The following HMOX2 variants were observed in gnomAD, a reference collection of about 807,000 sequenced individuals.
HMOX2 encodes heme oxygenase (decycling) 2.
HMOX2 carries 30 observed loss-of-function variants against 33.7 expected under a neutral mutation model. That is an observed-to-expected ratio of 0.89 (90% CI 0.67 to 1.21). The LOEUF (loss-of-function observed/expected upper bound fraction) is 1.21, where lower values mean the gene tolerates loss of function less well. Ranked by LOEUF, HMOX2 falls within the 50% of genes most tolerant of loss-of-function variation. The probability of loss-of-function intolerance (pLI) is 0.00; values close to 1 mark genes in which losing one functional copy is unlikely to be tolerated. For synonymous variants in HMOX2, 155 were observed against 155.0 expected (o/e 1.00, Z 0.00); for missense variants, 403 against 399.1 (o/e 1.01, Z -0.08).
rs1225999422 is a variant in HMOX2, at chr16:4,507,716, G to A, written c.208G>A (p.Ala70Thr). Reference protein sequence around the residue: ...GNIKKELFKLATTALYFTYSA... With the variant: ...GNIKKELFKLTTTALYFTYSA... ...CCTCCTCCTGTCACCTCCACAGCTG[G>A]CCACCACGGCACTTTACTTCACATA... The change falls in exon 4 of 6, where the codon GCC (alanine) becomes ACC (threonine). Residue 70 changes from alanine to threonine, a missense_variant. Physicochemically the swap from Ala to Thr is moderately conservative, Grantham distance 58 (BLOSUM62 0). Transcript: ENST00000570646. 6.2e-7 allele frequency: 1 copy of A among 1,613,114 alleles called. No individual in the cohort carries two copies. The highest frequency in any genetic ancestry group is 1.3e-5 in the African/African-American group (1 of 75,026).
intron 1 of HMOX2, among the ~76,000 whole-genome samples, chr16:4,503,478 T>C (rs887465232): frequency 8.5e-5 from 13 of 152,244 alleles, no homozygotes; most frequent in Non-Finnish European, 1.6e-4. Context: ...AGAGTGTCTC[T>C]GATTTGGAGT....
chr16:4,485,755 G>A (rs1328146919), intron 1 of HMOX2, among the ~76,000 whole-genome samples: 7 of 151,952 alleles, frequency 4.6e-5, no homozygotes, highest in East Asian at 1.9e-4. Flanking sequence ...GAGAAGTCTC[G>A]CTCTTGTCCC....
Position 4,507,991 on chromosome 16 carries a change from C to G in HMOX2, c.483C>G (p.Leu161=), listed in dbSNP as rs760214987. ...AHAYTRYMGD[L]SGGQVLKKVA... is the part of the protein sequence containing the mutation. ...CATACACCCGCTACATGGGGGATCT[C>G]TCGGGGGGCCAGGTGCTGAAGAAGG... The change falls in exon 4 of 6, where the codon CTC becomes CTG. Residue 161 remains leucine (L), a synonymous_variant. Transcript: ENST00000570646. 1.2e-5 allele frequency: 19 copies of G among 1,613,988 alleles called. No homozygotes were observed. In the South Asian group the frequency reaches 1.9e-4, roughly 16 times the overall value.
At chr16:4,484,501 C>T (rs1441680144) in intron 1 of HMOX2, among the ~76,000 whole-genome samples, 1 of 146,848 alleles carries the variant, frequency 6.8e-6, no homozygotes, top group Non-Finnish European at 1.5e-5. Flanking sequence ...TGCACTGTCA[C>T]CCAGGCTGGA....
intron 1 of HMOX2, among the ~76,000 whole-genome samples, chr16:4,484,480 A>AAT (rs2058114907): frequency 6.4e-5 from 6 of 94,314 alleles, no homozygotes; most frequent in Middle Eastern, 5.4e-3. Flanking sequence ...TTTTTTTTTG[A>AAT]GACGGAGTCT....
At chr16:4,483,386 C>G (rs2141523948) in intron 1 of HMOX2, among the ~76,000 whole-genome samples, 1 of 150,290 alleles carries the variant, frequency 6.7e-6, no homozygotes, top group South Asian at 2.1e-4. Flanking sequence ...CAGCCCCCAT[C>G]TAGGAGCCCA....
intron 1 of HMOX2, among the ~76,000 whole-genome samples, chr16:4,487,271 A>C (rs912156574): frequency 5.9e-5 from 9 of 151,894 alleles, no homozygotes; most frequent in Admixed American, 1.3e-4. Context: ...AAAAAAAAAG[A>C]AGTTGGGCAC....
intron 4 of HMOX2, 116 bp from the exon 5 acceptor site, chr16:4,509,296 T>G (rs1442235523): frequency 7.4e-6 from 10 of 1,343,830 alleles, no homozygotes; most frequent in Non-Finnish European, 1.0e-5. Flanking sequence ...GTTAGCCATG[T>G]TCATAACACT....
chr16:4,506,178 A>G (rs1401479155), intron 2 of HMOX2, among the ~76,000 whole-genome samples: 5 of 152,224 alleles, frequency 3.3e-5, no homozygotes, highest in Admixed American at 1.3e-4. Context: ...CCAGACCATG[A>G]TAAGGCCAAA....
chr16:4,497,569 CCAA>C, intron 1 of HMOX2, among the ~76,000 whole-genome samples: 1 of 152,128 alleles, frequency 6.6e-6, no homozygotes, highest in South Asian at 2.1e-4. Context: ...CATCATTGTC[CCAA>C]CAATAGTCGA....
chr16:4,497,330 T>G lies in HMOX2; in HGVS notation c.-41-8154T>G, dbSNP rs114152733. 1.0e-2 allele frequency among the ~76,000 whole-genome samples: 1,517 copies of G among 152,238 alleles called. 23 individuals are homozygous for G. The highest frequency in any genetic ancestry group is 0.035 in the African/African-American group (1,455 of 41,552). On this transcript the variant is annotated intron_variant, in intron 1 of 5. Coordinates refer to ENST00000570646, the MANE Select transcript of HMOX2 (RefSeq NM_002134.4). ...GTTTCATTAGTTAAAGCCAGCCCTG[T>G]GGGATGCATGAAGTCTAGCCTCTGT...
intron 1 of HMOX2, chr16:4,496,558 G>GT (rs2058426554): frequency 6.6e-6 from 1 of 152,210 alleles, no homozygotes; most frequent in East Asian, 1.9e-4. Context: ...GCAGTCTGTG[G>GT]TGACACTATA....
intron 1 of HMOX2, among the ~76,000 whole-genome samples, chr16:4,489,534 A>G (rs1218489978): frequency 6.6e-6 from 1 of 152,112 alleles, no homozygotes; most frequent in East Asian, 1.9e-4. Flanking sequence ...GTCTTGGCTC[A>G]CTGCAGCCGC....
intron 1 of HMOX2, among the ~76,000 whole-genome samples, chr16:4,480,228 G>T (rs1375349994): frequency 6.7e-6 from 1 of 148,714 alleles, no homozygotes; most frequent in Admixed American, 6.7e-5. Context: ...TTGTACTTTT[G>T]GTAGAGATGG....
intron 1 of HMOX2, chr16:4,488,845 G>A (rs1219486869): frequency 1.1e-4 from 16 of 140,068 alleles, no homozygotes; most frequent in Non-Finnish European, 2.0e-4. Context: ...TTTTTTTTGA[G>A]ACAGGATCTC....
intron 1 of HMOX2, among the ~76,000 whole-genome samples, chr16:4,494,039 C>T (rs983843020): frequency 2.6e-5 from 4 of 152,060 alleles, no homozygotes; most frequent in East Asian, 1.9e-4. Context: ...GCTGTCGGGC[C>T]GGCACTGTGG....
At chr16:4,477,655 A>C (rs2057901891) in intron 1 of HMOX2, among the ~76,000 whole-genome samples, 1 of 151,588 alleles carries the variant, frequency 6.6e-6, no homozygotes, top group Admixed American at 6.6e-5. Flanking sequence ...GCAGTGGCTC[A>C]CTCCTGTAAT....
intron 1 of HMOX2, among the ~76,000 whole-genome samples, chr16:4,491,600 C>T (rs564171057): frequency 5.3e-5 from 8 of 151,960 alleles, no homozygotes; most frequent in South Asian, 2.1e-4. Context: ...TGCAGTGGGC[C>T]GAGATTATGC....
At chr16:4,495,827 G>A (rs1451920442) in intron 1 of HMOX2, 1 of 152,180 alleles carries the variant, frequency 6.6e-6, no homozygotes, top group East Asian at 1.9e-4. Flanking sequence ...ACCTCCCTTT[G>A]GTATAGGGAT....
Sources: allele counts gnomAD v4.1 joint callset (sites outside exome capture counted in the v4.1 genomes callset), GRCh38; gene constraint gnomAD v4.1.1; transcripts MANE v1.5; gene names NCBI Gene and HGNC (gene_info 2026-07-23, HGNC 2026-07-21).